The following FHIT variants were observed in gnomAD, a reference collection of about 807,000 sequenced individuals.
FHIT encodes the protein bis(5'-adenosyl)-triphosphatase.
A neutral mutation model predicts 17.9 loss-of-function variants in FHIT; 19 were observed. The observed-to-expected ratio is 1.06, with a 90% CI of 0.74 to 1.56. The LOEUF (loss-of-function observed/expected upper bound fraction) is 1.56, where lower values mean the gene tolerates loss of function less well. Among genes scored for constraint, FHIT ranks in the 40% most tolerant of loss-of-function variants. FHIT has a pLI of 0.00. For synonymous variants in FHIT, 81 were observed against 69.7 expected (o/e 1.16, Z -0.81); for missense variants, 248 against 189.2 (o/e 1.31, Z -1.82).
chr3:60,460,763 C>A (rs905073911), intron 5 of FHIT, among the ~76,000 whole-genome samples: 1 of 152,154 alleles, frequency 6.6e-6, no homozygotes, highest in Non-Finnish European at 1.5e-5. Flanking sequence ...CATTGGAATT[C>A]TGATCCAATA....
chr3:59,971,570 C>A (rs1708184710), intron 7 of FHIT, among the ~76,000 whole-genome samples: 1 of 152,096 alleles, frequency 6.6e-6, no homozygotes. Flanking sequence ...GGATTCCCTT[C>A]ATAACTAATG....
chr3:60,820,912 C>T (rs1304452661), intron 4 of FHIT, among the ~76,000 whole-genome samples: 1 of 151,994 alleles, frequency 6.6e-6, no homozygotes, highest in Non-Finnish European at 1.5e-5. Context: ...TGAGCACAGT[C>T]CCCTGACGAC....
At chr3:59,921,876 A>G (rs1034222008) in intron 8 of FHIT, among the ~76,000 whole-genome samples, 8 of 152,256 alleles carry the variant, frequency 5.3e-5, no homozygotes, top group African/African-American at 1.4e-4. Context: ...ACTCAAACCA[A>G]CCTAGTTTTT....
At chr3:60,049,733 T>C (rs1285104846) in intron 5 of FHIT, among the ~76,000 whole-genome samples, 1 of 152,212 alleles carries the variant, frequency 6.6e-6, no homozygotes, top group African/African-American at 2.4e-5. Context: ...TTTGTGTGGC[T>C]ACTAAAAATC....
chr3:60,229,439 A>AAAAAG (rs1038801016), intron 5 of FHIT, among the ~76,000 whole-genome samples: 1 of 151,512 alleles, frequency 6.6e-6, no homozygotes, highest in Non-Finnish European at 1.5e-5. Context: ...AAAAAAAAAG[A>AAAAAG]AAAAGAAAAG....
chr3:60,405,426 C>T (rs75472838), intron 5 of FHIT, among the ~76,000 whole-genome samples: 79 of 152,308 alleles, frequency 5.2e-4, no homozygotes, highest in African/African-American at 1.8e-3. Context: ...AGGGGGACCA[C>T]CCGCATGACC....
intron 2 of FHIT, among the ~76,000 whole-genome samples, chr3:61,108,559 C>G (rs934286824): frequency 6.6e-6 from 1 of 152,148 alleles, no homozygotes; most frequent in Non-Finnish European, 1.5e-5. Flanking sequence ...AAGGCATTAC[C>G]CATTAAGGTA....
intron 4 of FHIT, among the ~76,000 whole-genome samples, chr3:60,681,973 A>G (rs962451917): frequency 6.9e-6 from 1 of 145,104 alleles, no homozygotes; most frequent in African/African-American, 2.5e-5. Flanking sequence ...TAAACAGCAG[A>G]TTTTTTTTTT....
At chr3:60,713,843 C>A (rs1410165520) in intron 4 of FHIT, among the ~76,000 whole-genome samples, 2 of 151,720 alleles carry the variant, frequency 1.3e-5, no homozygotes, top group Admixed American at 1.3e-4. Flanking sequence ...CAGCCGAATT[C>A]TACCAGAGGT....
intron 3 of FHIT, among the ~76,000 whole-genome samples, chr3:60,981,684 C>A (rs754292217): frequency 6.6e-6 from 1 of 152,050 alleles, no homozygotes; most frequent in African/African-American, 2.4e-5. Flanking sequence ...TCATAGCACA[C>A]TGTAGCTTCA....
chr3:61,082,597 G>A (rs930797204), intron 2 of FHIT, among the ~76,000 whole-genome samples: 7 of 151,932 alleles, frequency 4.6e-5, no homozygotes, highest in African/African-American at 1.7e-4. Context: ...GCCTACAATT[G>A]TTTTTCACTA....
intron 5 of FHIT, among the ~76,000 whole-genome samples, chr3:60,476,848 A>AC (rs957510101): frequency 1.6e-4 from 23 of 147,120 alleles, no homozygotes; most frequent in African/African-American, 5.5e-4. Flanking sequence ...CCGGGGAAGG[A>AC]TTTTTTTTTT....
intron 8 of FHIT, among the ~76,000 whole-genome samples, chr3:59,873,176 A>G (rs1398271866): frequency 6.6e-6 from 1 of 152,158 alleles, no homozygotes; most frequent in African/African-American, 2.4e-5. Flanking sequence ...CATCTCCAGT[A>G]ATTATCCATT....
intron 7 of FHIT, among the ~76,000 whole-genome samples, chr3:59,968,520 T>C (rs528720678): frequency 1.6e-4 from 24 of 152,172 alleles, no homozygotes; most frequent in Non-Finnish European, 3.1e-4. Flanking sequence ...GCCTAGTCCA[T>C]CAAGAAATAA....
At chr3:61,030,061 C>A (rs2032935977) in intron 3 of FHIT, among the ~76,000 whole-genome samples, 1 of 152,264 alleles carries the variant, frequency 6.6e-6, no homozygotes, top group African/African-American at 2.4e-5. Flanking sequence ...CCTTTGCGTC[C>A]CAGACTCAGG....
At chr3:60,520,224 T>A (rs2035307917) in intron 5 of FHIT, among the ~76,000 whole-genome samples, 1 of 152,208 alleles carries the variant, frequency 6.6e-6, no homozygotes, top group African/African-American at 2.4e-5. Context: ...ATTCTTTTTT[T>A]AGATATTTCT....
At chr3:59,898,240 A>G (rs1259456313) in intron 8 of FHIT, among the ~76,000 whole-genome samples, 2 of 152,256 alleles carry the variant, frequency 1.3e-5, no homozygotes, top group African/African-American at 4.8e-5. Context: ...CATATAAGAC[A>G]TAAACAAATT....
chr3:60,352,203 A>T (rs1017754723), intron 5 of FHIT, among the ~76,000 whole-genome samples: 2 of 152,214 alleles, frequency 1.3e-5, no homozygotes, highest in Non-Finnish European at 2.9e-5. Context: ...CAAGAGAAGC[A>T]ACTTAATTAT....
intron 8 of FHIT, among the ~76,000 whole-genome samples, chr3:59,883,832 T>C (rs1225244119): frequency 6.6e-6 from 1 of 152,222 alleles, no homozygotes; most frequent in Non-Finnish European, 1.5e-5. Context: ...ATAATGATTA[T>C]GGAGACAAAG....
Sources: gnomAD v4.1 joint callset for allele counts (sites outside exome capture counted in the v4.1 genomes callset) on GRCh38, gnomAD v4.1.1 for gene constraint, MANE v1.5 for transcripts, NCBI Gene and HGNC (gene_info 2026-07-23, HGNC 2026-07-21) for gene names.